Variants in PTPRD observed in about 807,000 individuals in gnomAD.
PTPRD encodes the protein protein tyrosine phosphatase receptor type D.
Under a neutral mutation model 214.5 loss-of-function variants are expected in PTPRD, and 34 were observed. The observed-to-expected ratio is 0.16, with a 90% CI of 0.12 to 0.21. PTPRD has a LOEUF of 0.21. PTPRD is among the 10% of genes least tolerant of loss of function. The probability of loss-of-function intolerance (pLI) is 1.00; values close to 1 mark genes in which losing one functional copy is unlikely to be tolerated. For missense variants in PTPRD, 2,545 were observed against 2,398.7 expected (o/e 1.06, Z -1.27); for synonymous variants, 1,128 against 845.7 (o/e 1.33, Z -5.79).
chr9:8,927,518 T>A (rs1016526954), intron 11 of PTPRD, among the ~76,000 whole-genome samples: 1 of 152,216 alleles, frequency 6.6e-6, no homozygotes, highest in African/African-American at 2.4e-5. Flanking sequence ...TTCATCCATG[T>A]TCCTGCAAAG....
At chr9:9,140,144 A>G (rs953500800) in intron 10 of PTPRD, among the ~76,000 whole-genome samples, 1 of 152,048 alleles carries the variant, frequency 6.6e-6, no homozygotes, top group African/African-American at 2.4e-5. Context: ...GGAACTAAAG[A>G]AAAAGTCCCT....
At chr9:10,449,766 G>T (rs1242714819) in intron 2 of PTPRD, among the ~76,000 whole-genome samples, 1 of 151,876 alleles carries the variant, frequency 6.6e-6, no homozygotes, top group African/African-American at 2.4e-5. Context: ...TTGAGAACGG[G>T]CCATGATGAC....
At chr9:8,781,478 T>A (rs1020807294) in intron 11 of PTPRD, among the ~76,000 whole-genome samples, 1 of 152,194 alleles carries the variant, frequency 6.6e-6, no homozygotes, top group Non-Finnish European at 1.5e-5. Context: ...TCAAAAGATT[T>A]ACTGAAAACA....
intron 8 of PTPRD, among the ~76,000 whole-genome samples, chr9:9,480,792 T>C (rs1303803110): frequency 1.3e-5 from 2 of 151,920 alleles, no homozygotes; most frequent in Admixed American, 1.3e-4. Context: ...TAGAGAAAAA[T>C]AAAAAGCATA....
intron 5 of PTPRD, among the ~76,000 whole-genome samples, chr9:9,874,536 G>A (rs143923381): frequency 0.011 from 1,681 of 152,200 alleles, 19 homozygotes; most frequent in South Asian, 0.029. Context: ...CCTAAAACAG[G>A]TGCTAGATTT....
At chr9:8,776,900 CATATGTATAAT>C (rs58493762) in intron 11 of PTPRD, among the ~76,000 whole-genome samples, 92,896 of 145,754 alleles carry the variant, frequency 0.64, 29,860 homozygotes, top group African/African-American at 0.73. Context: ...TTATATAATA[CATATGTATAAT>C]ATATGTATAA....
At chr9:8,514,757 G>A (rs2097754966) in intron 21 of PTPRD, among the ~76,000 whole-genome samples, 1 of 152,066 alleles carries the variant, frequency 6.6e-6, no homozygotes, top group South Asian at 2.1e-4. Flanking sequence ...AAAGGTAATG[G>A]TAGTTGATAA....
At chr9:10,207,287 C>G (rs2099488030) in intron 3 of PTPRD, among the ~76,000 whole-genome samples, 1 of 151,932 alleles carries the variant, frequency 6.6e-6, no homozygotes, top group Non-Finnish European at 1.5e-5. Flanking sequence ...CTCTTTAATT[C>G]AGCATAACAT....
chr9:9,402,981 A>AAC (rs2141448641), intron 8 of PTPRD, among the ~76,000 whole-genome samples: 1 of 147,426 alleles, frequency 6.8e-6, no homozygotes, highest in African/African-American at 2.5e-5. Context: ...AAAAAAAAAA[A>AAC]AAAAAAAACA....
rs182872793 is a variant in PTPRD at position 10,551,035 on chromosome 9, A to G, written c.-600+61363T>C. On this transcript the variant is annotated intron_variant, in intron 2 of 45. Transcript: ENST00000381196. ...ATGGAGACTTTGACACAACTCTGTC[A>G]TTAAAATTACATATTAGGCTGAGTG... 4.6e-5 allele frequency among the ~76,000 whole-genome samples: 7 copies of G among 152,360 alleles called. No individual in the cohort carries two copies. In the East Asian group the frequency reaches 1.3e-3, roughly 29 times the overall value.
intron 10 of PTPRD, among the ~76,000 whole-genome samples, chr9:9,171,363 T>C (rs1180610511): frequency 3.3e-5 from 5 of 149,770 alleles, no homozygotes; most frequent in African/African-American, 1.2e-4. Flanking sequence ...ATAATTAGAT[T>C]ATATTTATAA....
At chr9:9,696,759 C>A (rs186568878) in intron 7 of PTPRD, among the ~76,000 whole-genome samples, 4 of 152,140 alleles carry the variant, frequency 2.6e-5, no homozygotes. Context: ...TTCGTTCAGA[C>A]ACTCTTTGCC....
intron 12 of PTPRD, among the ~76,000 whole-genome samples, chr9:8,714,268 T>G (rs2098404898): frequency 6.6e-6 from 1 of 152,068 alleles, no homozygotes; most frequent in Admixed American, 6.6e-5. Context: ...AAAGCACAAA[T>G]ATAATCATCT....
chr9:9,579,762 C>T (rs961847758), intron 7 of PTPRD, among the ~76,000 whole-genome samples: 2 of 152,116 alleles, frequency 1.3e-5, no homozygotes, highest in Non-Finnish European at 2.9e-5. Flanking sequence ...GCATATATCA[C>T]ATAGTGGTGA....
At chr9:10,297,585 T>G (rs2095718410) in intron 3 of PTPRD, among the ~76,000 whole-genome samples, 1 of 151,822 alleles carries the variant, frequency 6.6e-6, no homozygotes, top group African/African-American at 2.4e-5. Context: ...GTTGTGTTTT[T>G]TTTTTTTTCC....
In PTPRD at chr9:8,485,849, A is replaced by G. The variant is rs779127918; in HGVS notation, c.2968T>C (p.Tyr990His). 11 of 1,614,016 alleles carry G rather than the reference A, an allele frequency of 6.8e-6. No individual in the cohort carries two copies. The highest frequency in any genetic ancestry group is 1.7e-5 in the Admixed American group (1 of 59,988). ...TLTGLKPDTT[Y>H]DVKVRAHTSK... is the part of the protein sequence containing the mutation. Reference sequence around the variant, plus strand: ...GTATGAGCACGTACTTTTACATCGTATGTGGTATCTGGTTTTAAGCCAGTG... The same window carrying G: ...GTATGAGCACGTACTTTTACATCGTGTGTGGTATCTGGTTTTAAGCCAGTG... The change falls in exon 28 of 46, where the codon TAC (tyrosine) becomes CAC (histidine). Residue 990 changes from tyrosine to histidine, a missense_variant. Coordinates refer to ENST00000381196, the MANE Select transcript of PTPRD (RefSeq NM_002839.4).
chr9:9,121,349 T>C (rs761370763), intron 10 of PTPRD, among the ~76,000 whole-genome samples: 2 of 152,256 alleles, frequency 1.3e-5, no homozygotes, highest in Non-Finnish European at 1.5e-5. Flanking sequence ...AAAGAAGTTA[T>C]TATTCGAAAA....
At chr9:9,346,170 T>G (rs2048725120) in intron 9 of PTPRD, among the ~76,000 whole-genome samples, 1 of 152,116 alleles carries the variant, frequency 6.6e-6, no homozygotes, top group Non-Finnish European at 1.5e-5. Context: ...CTAGCCATAT[T>G]CTCCTGAGAT....
intron 36 of PTPRD, among the ~76,000 whole-genome samples, chr9:8,392,201 T>G (rs1009638018): frequency 1.3e-5 from 2 of 151,974 alleles, no homozygotes; most frequent in Non-Finnish European, 2.9e-5. Flanking sequence ...CTGAGCAACA[T>G]GGTGAGACCC....
Sources: gnomAD v4.1 joint callset for allele counts (sites outside exome capture counted in the v4.1 genomes callset) on GRCh38, gnomAD v4.1.1 for gene constraint, MANE v1.5 for transcripts, NCBI Gene and HGNC (gene_info 2026-07-23, HGNC 2026-07-21) for gene names.